The following PABPN1L variants were observed in gnomAD, a reference collection of about 807,000 sequenced individuals.
PABPN1L encodes the protein embryonic polyadenylate-binding protein 2.
In PABPN1L, 45 loss-of-function variants were observed where a neutral mutation model predicts 34.0. That is an observed-to-expected ratio of 1.32 (90% CI 1.04 to 1.70). The LOEUF (loss-of-function observed/expected upper bound fraction) is 1.70, where lower values mean the gene tolerates loss of function less well. Among genes scored for constraint, PABPN1L ranks in the 40% most tolerant of loss-of-function variants. PABPN1L has a pLI of 0.00. For missense variants in PABPN1L, 459 were observed against 367.8 expected, an observed-to-expected ratio of 1.25 and a Z score of -2.03; for synonymous variants, 182 against 152.1, an observed-to-expected ratio of 1.20 and a Z score of -1.45.
chr16:88,866,382 C>T (rs921291140), exon 1 of PABPN1L: 2 of 1,550,824 alleles, frequency 1.3e-6, no homozygotes, highest in South Asian at 2.4e-5. Flanking sequence ...CAGCCAGGTT[C>T]TCTTGCTCCA....
chr16:88,865,432 G>T (rs1968567714), intron 3 of PABPN1L, 131 bp downstream of exon 3: 2 of 1,161,486 alleles, frequency 1.7e-6, no homozygotes, highest in African/African-American at 1.6e-5. Context: ...GTTTCCTCAA[G>T]GTGACGGGGC....
At chr16:88,865,260 C>T (rs1282440255) in intron 3 of PABPN1L, 132 bp from the exon 4 acceptor site, 2 of 935,120 alleles carry the variant, frequency 2.1e-6, no homozygotes, top group African/African-American at 1.7e-5. Flanking sequence ...CCACCCCACA[C>T]CCCCGCTGGG....
chr16:88,863,554 G>C (rs1048344304), exon 7 of PABPN1L: 4 of 696,752 alleles, frequency 5.7e-6, no homozygotes, highest in Non-Finnish European at 1.0e-5. Context: ...GCTGTGACTC[G>C]TGGCTGTGGC....
chr16:88,865,026 T>TG lies in PABPN1L; in HGVS notation c.561dup (p.Lys188GlnfsTer147). On this transcript the variant is annotated frameshift_variant, in exon 4 of 7. Coordinates refer to ENST00000419291, the Ensembl canonical transcript of PABPN1L. LOFTEE classifies it high-confidence loss of function. ...CCCACCAGGCCCCACACTGACCCCT[T>TG]GGGGTGTCCAGAGAACTTGTCACAC... is the stretch of plus-strand genomic sequence containing the variant. 1 of 1,599,814 alleles carries TG rather than the reference T, an allele frequency of 6.3e-7. No homozygotes were observed. The highest frequency in any genetic ancestry group is 8.5e-7 in the Non-Finnish European group (1 of 1,173,906).
rs374299028 is a variant in PABPN1L, at chr16:88,865,773, C to G, written c.391+33G>C. ...TAATGGAAACTGTGGGACCCTTGCT[C>G]AGTGGGGGGCGGCCTGTGCCCTTGG... On this transcript the variant is annotated intron_variant, in intron 2 of 6. Transcript: ENST00000419291. 205 of 1,583,728 alleles carry G rather than the reference C, an allele frequency of 1.3e-4. 1 individual carries two copies. In the South Asian group the frequency reaches 2.0e-3, roughly 15 times the overall value.
chr16:88,869,405 C>T (rs1309777315), upstream of PABPN1L, among the ~76,000 whole-genome samples: 7 of 152,248 alleles, frequency 4.6e-5, no homozygotes, highest in South Asian at 2.1e-4. Context: ...CCACTGTTTC[C>T]GGGAGGGCTG....
At chr16:88,863,718 C>T (rs1442032108) in exon 7 of PABPN1L, 4 of 1,535,196 alleles carry the variant, frequency 2.6e-6, no homozygotes, top group Middle Eastern at 3.3e-4. Flanking sequence ...TACTCCTGAT[C>T]CAGGCCCCAG....
chr16:88,864,932 T>A, exon 5 of PABPN1L: 3 of 1,398,388 alleles, frequency 2.1e-6, no homozygotes, highest in Non-Finnish European at 2.9e-6. Context: ...AAACTCTATG[T>A]AGGCATAACT....
exon 5 of PABPN1L, chr16:88,864,882 G>T: frequency 6.2e-7 from 1 of 1,610,918 alleles, no homozygotes; most frequent in Non-Finnish European, 8.5e-7. Context: ...AAGAGGCTCT[G>T]GTCCAGCTCC....
At chr16:88,864,304 T>C in exon 6 of PABPN1L, 1 of 1,555,598 alleles carries the variant, frequency 6.4e-7, no homozygotes, top group Non-Finnish European at 8.7e-7. Flanking sequence ...GGTGCCCCCC[T>C]GGAGCCTGGG....
upstream of PABPN1L, among the ~76,000 whole-genome samples, chr16:88,868,554 C>A (rs8054682): frequency 6.6e-6 from 1 of 151,906 alleles, no homozygotes; most frequent in Non-Finnish European, 1.5e-5. Flanking sequence ...TGCAGTGAGC[C>A]GAGATCGCGC....
Position 88,864,773 on chromosome 16 carries a change from C to CT in PABPN1L, c.654+79dup. 3 of 1,417,158 alleles carry CT rather than the reference C, an allele frequency of 2.1e-6. No homozygotes were observed. In the South Asian group the frequency reaches 3.8e-5, roughly 18 times the overall value. The allele number at this position is 1,417,158 out of a possible 1,614,324, so 87.8% of individuals were successfully genotyped here. A position where few individuals can be genotyped will look rare whatever the true frequency, so the allele number is the denominator to read the frequency against. Reference sequence around the variant, plus strand: ...GACACGCTGTGCAGAGAGGAGCCAGCTGGGGCTGCTGTGTGTCCCAGGGCC... The same window carrying CT: ...GACACGCTGTGCAGAGAGGAGCCAGCTTGGGGCTGCTGTGTGTCCCAGGGCC... On this transcript the variant is annotated intron_variant, in intron 5 of 6. Transcript: ENST00000419291.
At chr16:88,863,690 G>C (rs1195145782) in exon 7 of PABPN1L, 15 of 1,513,050 alleles carry the variant, frequency 9.9e-6, no homozygotes, top group African/African-American at 1.4e-5. Flanking sequence ...CCAGCCCCAG[G>C]ATGGAGCACA....
At chr16:88,865,508 T>C (rs1329389957) in intron 3 of PABPN1L, 55 bp downstream of exon 3, 28 of 1,576,666 alleles carry the variant, frequency 1.8e-5, no homozygotes, top group South Asian at 1.5e-4. Context: ...CCAGACCCTC[T>C]GGTAGAGATG....
chr16:88,867,450 C>T (rs532280808), upstream of PABPN1L, among the ~76,000 whole-genome samples: 26 of 152,188 alleles, frequency 1.7e-4, no homozygotes, highest in South Asian at 4.6e-3. Context: ...AGGCTGGTCT[C>T]GAACTCCTGA....
At chr16:88,863,679 C>T (rs561185634) in exon 7 of PABPN1L, 14 of 1,498,602 alleles carry the variant, frequency 9.3e-6, no homozygotes, top group African/African-American at 1.4e-5. Flanking sequence ...CACTCCCTGC[C>T]CCAGCCCCAG....
In PABPN1L at chr16:88,865,872, C is replaced by T. The variant is rs1011502527; in HGVS notation, c.325G>A (p.Val109Met). The T allele has an allele frequency of 2.5e-6, 4 of 1,610,066 alleles. No homozygotes were observed. Among genetic ancestry groups the T allele is most frequent in the East Asian group, 2.2e-5 (1 of 44,868 alleles). The stretch of plus-strand genomic sequence containing the variant: ...TCCTCTTCCTCGGCCTGTTGCTGCA[C>T]TCCTGGAGGCCGTGGCGTCCCCTCG... Residue 109 changes from valine to methionine, a missense_variant, in exon 2 of 7, where the codon GTG becomes ATG. Coordinates refer to ENST00000419291, the Ensembl canonical transcript of PABPN1L.
rs746860829 is a variant in PABPN1L at position 88,863,616 on chromosome 16, A to C, written c.*140T>G. On this transcript the variant is annotated 3_prime_UTR_variant, in exon 7 of 7. Transcript: ENST00000419291. ...CCTACTGGGCCATCCCCCCGCCAAG[A>C]GGGGGCCAGTGGCTGCTCTGGACAC... is the stretch of plus-strand genomic sequence containing the variant. 173 of 1,089,900 alleles carry C rather than the reference A, an allele frequency of 1.6e-4. No individual in the cohort carries two copies. In the African/African-American group the frequency reaches 2.3e-3, roughly 15 times the overall value. 67.5% of individuals were successfully genotyped at this position (1,089,900 alleles called of 1,614,324 possible). A position where few individuals can be genotyped will look rare whatever the true frequency, so the allele number is the denominator to read the frequency against.
rs780627687 is a variant in PABPN1L at position 88,865,964 on chromosome 16, C to T, written c.256-23G>A. The T allele has an allele frequency of 2.2e-5, 35 of 1,596,674 alleles. 1 individual carries two copies. Among genetic ancestry groups the T allele is most frequent in the East Asian group, 4.5e-5 (2 of 44,684 alleles). On this transcript the variant is annotated intron_variant, in intron 1 of 6. Transcript: ENST00000419291. ...CTCCTGCCGACACACGGCCCTGAGC[C>T]GGGCAGGCAGCCTGCAGGCTCTGCT...
Sources: allele counts gnomAD v4.1 joint callset (sites outside exome capture counted in the v4.1 genomes callset), GRCh38; gene constraint gnomAD v4.1.1; transcripts MANE v1.5; gene names NCBI Gene and HGNC (gene_info 2026-07-23, HGNC 2026-07-21).